KCTD1: variants seen among roughly 807,000 people sequenced by gnomAD.
The protein encoded by KCTD1 is potassium channel tetramerization domain containing 1.
KCTD1 carries 24 observed loss-of-function variants against 66.0 expected under a neutral mutation model. The ratio of observed to expected loss-of-function variants is 0.36; its 90% confidence interval spans 0.26 to 0.51. The LOEUF is 0.51. Among genes scored for constraint, KCTD1 ranks in the 20% least tolerant of loss-of-function variants. The pLI, the probability that KCTD1 is intolerant of heterozygous loss-of-function variation, is 0.95. For synonymous variants in KCTD1, 511 were observed against 517.2 expected (o/e 0.99, Z 0.16); for missense variants, 943 against 1,205.2 (o/e 0.78, Z 3.22).
At chr18:26,592,495 G>A (rs1212711121) in intron 1 of KCTD1, among the ~76,000 whole-genome samples, 2 of 152,158 alleles carry the variant, frequency 1.3e-5, no homozygotes, top group Admixed American at 1.3e-4. Flanking sequence ...TCTCCCCACA[G>A]CATCTGTTCA....
At chr18:26,499,848 T>G (rs1335395241) in intron 2 of KCTD1, among the ~76,000 whole-genome samples, 1 of 152,198 alleles carries the variant, frequency 6.6e-6, no homozygotes, top group Middle Eastern at 3.2e-3. Flanking sequence ...TTACCCTACA[T>G]GAATGCATGC....
rs765096424 is a variant in KCTD1 at position 26,459,925 on chromosome 18, C to T, written c.2134G>A (p.Asp712Asn). The change falls in exon 4 of 5, where the codon GAC becomes AAC. Residue 712 changes from aspartate (D) to asparagine (N), a missense_variant and splice_region_variant. Asp to Asn is a conservative substitution (Grantham distance 23). This residue lies in a region of KCTD1 where 162 missense variants were observed against 232.4 expected (regional missense o/e 0.70). Coordinates refer to ENST00000580059, the MANE Select transcript of KCTD1 (RefSeq NM_001142730.3). ...GCCTCTTCATATAACAAAGTGTAGTCCTGGAAAAAAAAAAGGTATTTCACA... is the reference window on the plus strand; with the variant it reads ...GCCTCTTCATATAACAAAGTGTAGTTCTGGAAAAAAAAAAGGTATTTCACA... ...SKLLIPDDFK[D>N]YTLLYEEAKY... The T allele has an allele frequency of 1.3e-6, 2 of 1,557,064 alleles. No individual in the cohort carries two copies. Among genetic ancestry groups the T allele is most frequent in the East Asian group, 4.5e-5 (2 of 44,266 alleles).
intron 2 of KCTD1, among the ~76,000 whole-genome samples, chr18:26,494,228 G>A (rs866278322): frequency 3.9e-5 from 6 of 151,912 alleles, no homozygotes; most frequent in Non-Finnish European, 5.9e-5. Context: ...AAAATTAGCC[G>A]GGTATGGTGG....
upstream of KCTD1, chr18:26,548,756 G>A (rs1233878500): frequency 4.5e-6 from 5 of 1,118,176 alleles, no homozygotes; most frequent in Non-Finnish European, 5.5e-6. Context: ...AGACCGGAGA[G>A]ATAGGGTAAA....
In KCTD1 at chr18:26,511,367, C is replaced by T. The variant is rs147878898; in HGVS notation, c.1810-10117G>A. ...CAGTCGCCTATGGTTCCCACACTCT[C>T]GGGGTCTATCTGGTCATCTGCCCCC... On this transcript the variant is annotated intron_variant, in intron 1 of 4. Coordinates refer to ENST00000580059, the MANE Select transcript of KCTD1 (RefSeq NM_001142730.3). Among the ~76,000 whole-genome samples, 1,057 of 152,324 alleles carry T rather than the reference C, an allele frequency of 6.9e-3. 9 individuals are homozygous for T. Among genetic ancestry groups the T allele is most frequent in the South Asian group, 0.011 (55 of 4,826 alleles).
Position 26,603,949 on chromosome 18 carries a change from A to G in KCTD1, c.-16+25198T>C, listed in dbSNP as rs1037136708. ...AGAGCTTCTGCACACAGAAAAAAGA[A>G]AGCTATCAACAGAGTAAACAGACAA... On this transcript the variant is annotated intron_variant, in intron 1 of 4. Coordinates refer to the KCTD1 transcript ENST00000317932. 2.4e-4 allele frequency among the ~76,000 whole-genome samples: 36 copies of G among 152,268 alleles called. 1 individual carries two copies. Among genetic ancestry groups the G allele is most frequent in the Middle Eastern group, 3.4e-3 (1 of 294 alleles).
At chr18:26,490,089 T>C (rs1982117338) in intron 2 of KCTD1, among the ~76,000 whole-genome samples, 2 of 152,168 alleles carry the variant, frequency 1.3e-5, no homozygotes, top group African/African-American at 4.8e-5. Context: ...GCGATGTGGA[T>C]TGTGCCAGAG....
rs543281442 is a variant in KCTD1 at position 26,506,572 on chromosome 18, G to C, written c.1810-5322C>G. On this transcript the variant is annotated intron_variant, in intron 1 of 4. Transcript: ENST00000580059. Reference sequence around the variant, plus strand: ...CACTTATTTTTTTCTCCAAGGTTGAGGGATAATGCGGGAGACAGAAGCTTG... The same window carrying C: ...CACTTATTTTTTTCTCCAAGGTTGACGGATAATGCGGGAGACAGAAGCTTG... 2.0e-5 allele frequency among the ~76,000 whole-genome samples: 3 copies of C among 152,318 alleles called. No individual in the cohort carries two copies. In the East Asian group the frequency reaches 5.8e-4, roughly 29 times the overall value.
chr18:26,554,004 AAAAAG>A (rs890131385), intron 1 of KCTD1, among the ~76,000 whole-genome samples: 2 of 151,860 alleles, frequency 1.3e-5, no homozygotes, highest in African/African-American at 4.8e-5. Flanking sequence ...GATAAAAAGA[AAAAAG>A]AAAAGAAGAT....
intron 1 of KCTD1, among the ~76,000 whole-genome samples, chr18:26,545,965 TTATC>T (rs1985192114): frequency 6.6e-6 from 1 of 152,118 alleles, no homozygotes; most frequent in South Asian, 2.1e-4. Context: ...CTTACTCTAA[TTATC>T]TACTTCGTAG....
chr18:26,459,528 C>CTCT, intron 4 of KCTD1, 92 bp downstream of exon 4: 1 of 1,273,668 alleles, frequency 7.9e-7, no homozygotes, highest in East Asian at 2.4e-5. Flanking sequence ...AGTTTCTAAG[C>CTCT]TCTTTGGAGG....
chr18:26,478,428 T>A (rs571881911), intron 2 of KCTD1, among the ~76,000 whole-genome samples: 2 of 152,366 alleles, frequency 1.3e-5, no homozygotes, highest in South Asian at 4.1e-4. Flanking sequence ...GCTTATGGTC[T>A]AGAGTTTTAT....
At chr18:26,599,726 A>G (rs1986846463) in intron 1 of KCTD1, 3 of 1,562,262 alleles carry the variant, frequency 1.9e-6, no homozygotes, top group Admixed American at 3.3e-5. Context: ...TAACAATAGC[A>G]AAGTGAAGAC....
At chr18:26,573,773 T>C (rs1001551423) in intron 1 of KCTD1, among the ~76,000 whole-genome samples, 3 of 152,230 alleles carry the variant, frequency 2.0e-5, no homozygotes, top group Admixed American at 6.5e-5. Flanking sequence ...TCTTGCAAAA[T>C]ATACATCATG....
chr18:26,472,498 C>A (rs1321376641), intron 3 of KCTD1, among the ~76,000 whole-genome samples: 1 of 152,172 alleles, frequency 6.6e-6, no homozygotes, highest in Non-Finnish European at 1.5e-5. Context: ...CATACTAAAG[C>A]ATACGGAACT....
At chr18:26,599,287 G>A in intron 1 of KCTD1, 1 of 830,010 alleles carries the variant, frequency 1.2e-6, no homozygotes, top group East Asian at 2.6e-5. Context: ...CCATTGAATT[G>A]TTTGGTGCTC....
chr18:26,598,189 G>A (rs1026910236), intron 1 of KCTD1, among the ~76,000 whole-genome samples: 1 of 152,176 alleles, frequency 6.6e-6, no homozygotes, highest in African/African-American at 2.4e-5. Context: ...GACATTTCAT[G>A]TAGATGGAAT....
At chr18:26,629,728 T>A (rs1438822780), upstream of KCTD1, among the ~76,000 whole-genome samples, 8 of 151,122 alleles carry the variant, frequency 5.3e-5, no homozygotes, top group Non-Finnish European at 8.9e-5. Context: ...CCCCGCCTTT[T>A]TTTTTTTTTG....
At chr18:26,648,111 G>A (rs939526948) in intron 1 of KCTD1, among the ~76,000 whole-genome samples, 1 of 152,116 alleles carries the variant, frequency 6.6e-6, no homozygotes. Flanking sequence ...CTCCCAAAGT[G>A]ATGGGATTAC....
Sources: allele counts gnomAD v4.1 joint callset (sites outside exome capture counted in the v4.1 genomes callset), GRCh38; gene constraint gnomAD v4.1.1; regional missense constraint gnomAD v4.1.1; transcripts MANE v1.5; gene names NCBI Gene and HGNC (gene_info 2026-07-23, HGNC 2026-07-21).